GULP1: variants seen among roughly 807,000 people sequenced by gnomAD.
The protein encoded by GULP1 is PTB domain-containing engulfment adapter protein 1.
GULP1 carries 19 observed loss-of-function variants against 40.9 expected under a neutral mutation model. The observed-to-expected ratio is 0.46, with a 90% CI of 0.32 to 0.68. The LOEUF (loss-of-function observed/expected upper bound fraction) is 0.68, where lower values mean the gene tolerates loss of function less well. GULP1 is among the 30% of genes least tolerant of loss of function. GULP1 has a pLI of 0.03. For synonymous variants in GULP1, 119 were observed against 117.6 expected, an observed-to-expected ratio of 1.01 and a Z score of -0.08; for missense variants, 312 against 362.2, an observed-to-expected ratio of 0.86 and a Z score of 1.12.
At chr2:188,566,794 CAAAAAAAAAAAAAA>C (rs11350294) in intron 7 of GULP1, among the ~76,000 whole-genome samples, 4 of 26,914 alleles carry the variant, frequency 1.5e-4, no homozygotes, top group South Asian at 2.6e-3. Flanking sequence ...GACTCCATCT[CAAAAAAAAAAAAAA>C]AAAAAAAAAA....
At chr2:188,302,171 AACTT>A (rs2106102315) in intron 1 of GULP1, among the ~76,000 whole-genome samples, 1 of 152,276 alleles carries the variant, frequency 6.6e-6, no homozygotes, top group East Asian at 1.9e-4. Flanking sequence ...AGTCTATAAA[AACTT>A]ATTATTCAAA....
At chr2:188,386,785 GT>G (rs2049820075) in intron 2 of GULP1, among the ~76,000 whole-genome samples, 1 of 151,996 alleles carries the variant, frequency 6.6e-6, no homozygotes, top group South Asian at 2.1e-4. Flanking sequence ...ACTGATTAGT[GT>G]TTTCTCATTC....
intron 1 of GULP1, among the ~76,000 whole-genome samples, chr2:188,333,439 T>C (rs1300939120): frequency 6.6e-6 from 1 of 152,138 alleles, no homozygotes; most frequent in Non-Finnish European, 1.5e-5. Context: ...GCAATTGGTT[T>C]AGGCAAGCCA....
chr2:188,524,106 A>C (rs1411863715), intron 5 of GULP1, among the ~76,000 whole-genome samples: 1 of 152,226 alleles, frequency 6.6e-6, no homozygotes, highest in Non-Finnish European at 1.5e-5. Flanking sequence ...TCTGGGCATG[A>C]ATCCAACTTC....
At chr2:188,411,617 T>C (rs541235068) in intron 2 of GULP1, among the ~76,000 whole-genome samples, 37 of 152,306 alleles carry the variant, frequency 2.4e-4, no homozygotes, top group South Asian at 4.1e-4. Context: ...ACAAATATCT[T>C]CACTTTGTTT....
intron 7 of GULP1, among the ~76,000 whole-genome samples, chr2:188,566,530 G>A (rs1313580340): frequency 1.3e-5 from 2 of 151,788 alleles, no homozygotes; most frequent in Non-Finnish European, 2.9e-5. Flanking sequence ...ATAATGTCTC[G>A]TTAAAAGGAT....
chr2:188,328,712 T>G (rs2152018127), intron 1 of GULP1, among the ~76,000 whole-genome samples: 1 of 152,218 alleles, frequency 6.6e-6, no homozygotes, highest in South Asian at 2.1e-4. Context: ...CACAAATAAT[T>G]TACAAAATCA....
intron 2 of GULP1, among the ~76,000 whole-genome samples, chr2:188,414,906 G>C (rs1259433090): frequency 1.3e-5 from 2 of 152,132 alleles, no homozygotes; most frequent in Non-Finnish European, 1.5e-5. Context: ...GATTTTAACA[G>C]TGAATAGGTG....
At chr2:188,561,606 G>A (rs1696294828) in intron 7 of GULP1, among the ~76,000 whole-genome samples, 2 of 152,182 alleles carry the variant, frequency 1.3e-5, no homozygotes, top group Admixed American at 6.5e-5. Flanking sequence ...GCAGGCTTGT[G>A]CTCAGATCTC....
At chr2:188,389,043 C>G (rs936775405) in intron 2 of GULP1, among the ~76,000 whole-genome samples, 16 of 152,116 alleles carry the variant, frequency 1.1e-4, no homozygotes, top group African/African-American at 4.8e-5. Context: ...GTAGATGAGA[C>G]TTGGTAGTAG....
chr2:188,569,627 G>C, intron 8 of GULP1: 1 of 409,666 alleles, frequency 2.4e-6, no homozygotes, highest in Non-Finnish European at 4.4e-6. Context: ...CAGAGCAGCA[G>C]AAGCAGCAGA....
At chr2:188,417,780 A>AT in intron 2 of GULP1, among the ~76,000 whole-genome samples, 1 of 151,806 alleles carries the variant, frequency 6.6e-6, no homozygotes, top group East Asian at 1.9e-4. Context: ...CCTCATTTGT[A>AT]TTTTTTTATT....
chr2:188,572,938 T>C (rs897391673), intron 9 of GULP1, among the ~76,000 whole-genome samples: 3 of 152,158 alleles, frequency 2.0e-5, no homozygotes, highest in African/African-American at 7.2e-5. Context: ...AGATCTCTTG[T>C]ACAACATGGT....
intron 2 of GULP1, among the ~76,000 whole-genome samples, chr2:188,453,289 T>C (rs2058985024): frequency 6.8e-6 from 1 of 146,512 alleles, no homozygotes; most frequent in Non-Finnish European, 1.5e-5. Flanking sequence ...TTCAGAGTAT[T>C]GATCTATTTA....
Position 188,564,840 on chromosome 2 carries a change from G to T in GULP1, c.400-4399G>T, listed in dbSNP as rs138815771. 7.2e-4 allele frequency among the ~76,000 whole-genome samples: 109 copies of T among 152,028 alleles called. 2 individuals carry two copies. The East Asian group carries it at 0.02, about 28-fold the overall frequency. ...CCTTAAACTCTTATCAAGTCAGGGT[G>T]ATATTAATGTAATAATAATAAATGA... On this transcript the variant is annotated intron_variant, in intron 7 of 11. Coordinates refer to ENST00000409830, the MANE Select transcript of GULP1 (RefSeq NM_016315.4).
intron 1 of GULP1, among the ~76,000 whole-genome samples, chr2:188,309,299 C>G (rs2037668521): frequency 6.6e-6 from 1 of 151,934 alleles, no homozygotes; most frequent in African/African-American, 2.4e-5. Flanking sequence ...AACCCCATTT[C>G]TACAAAAAAT....
At chr2:188,579,448 T>C (rs1426512862) in intron 9 of GULP1, among the ~76,000 whole-genome samples, 2 of 152,086 alleles carry the variant, frequency 1.3e-5, no homozygotes, top group Non-Finnish European at 2.9e-5. Flanking sequence ...AGAGATGATA[T>C]TTTGATACCT....
chr2:188,482,711 G>A (rs1394822082), intron 3 of GULP1, among the ~76,000 whole-genome samples: 1 of 150,706 alleles, frequency 6.6e-6, no homozygotes, highest in East Asian at 1.9e-4. Flanking sequence ...TAAATAACAA[G>A]ATATAAATAA....
intron 2 of GULP1, among the ~76,000 whole-genome samples, chr2:188,393,719 C>T (rs1411706336): frequency 1.3e-5 from 2 of 152,134 alleles, no homozygotes; most frequent in South Asian, 2.1e-4. Flanking sequence ...TTCACCTTCT[C>T]TTTTAAGATT....
Sources: gnomAD v4.1 joint callset for allele counts (sites outside exome capture counted in the v4.1 genomes callset) on GRCh38, gnomAD v4.1.1 for gene constraint, MANE v1.5 for transcripts, NCBI Gene and HGNC (gene_info 2026-07-23, HGNC 2026-07-21) for gene names.